ADGRB3: variants seen among roughly 807,000 people sequenced by gnomAD.
ADGRB3 encodes adhesion G protein-coupled receptor B3.
A neutral mutation model predicts 193.4 loss-of-function variants in ADGRB3; 37 were observed. That is an observed-to-expected ratio of 0.19 (90% CI 0.15 to 0.25). The LOEUF is 0.25. Ranked by LOEUF, ADGRB3 falls within the 10% of genes least tolerant of loss-of-function variation. ADGRB3 has a pLI of 1.00. For missense variants in ADGRB3, 1,637 were observed against 1,852.9 expected (o/e 0.88, Z 2.14); for synonymous variants, 690 against 644.2 (o/e 1.07, Z -1.08).
At chr6:69,254,385 C>T (rs947011355) in intron 20 of ADGRB3, among the ~76,000 whole-genome samples, 6 of 152,058 alleles carry the variant, frequency 3.9e-5, no homozygotes, top group Non-Finnish European at 8.8e-5. Flanking sequence ...ACACAGTAAT[C>T]GCATGAGCAT....
chr6:69,180,777 C>T (rs989347547), intron 17 of ADGRB3, among the ~76,000 whole-genome samples: 1 of 152,180 alleles, frequency 6.6e-6, no homozygotes, highest in Non-Finnish European at 1.5e-5. Context: ...TGTGGAGGCC[C>T]CTACCCGACT....
At chr6:68,703,604 C>T (rs1319035077) in intron 3 of ADGRB3, among the ~76,000 whole-genome samples, 2 of 151,668 alleles carry the variant, frequency 1.3e-5, no homozygotes, top group Non-Finnish European at 2.9e-5. Flanking sequence ...ATAAAAAGAA[C>T]CCCATTCATT....
At chr6:69,351,383 C>A (rs1369900951) in intron 26 of ADGRB3, among the ~76,000 whole-genome samples, 1 of 152,030 alleles carries the variant, frequency 6.6e-6, no homozygotes, top group South Asian at 2.1e-4. Flanking sequence ...TGAGCCACCA[C>A]GCCCTGCCCC....
chr6:69,152,236 C>T (rs1435019778), intron 17 of ADGRB3, among the ~76,000 whole-genome samples: 1 of 152,148 alleles, frequency 6.6e-6, no homozygotes, highest in Non-Finnish European at 1.5e-5. Context: ...AAAATGTATG[C>T]ATGATTCCAT....
intron 17 of ADGRB3, among the ~76,000 whole-genome samples, chr6:69,202,652 C>T (rs1004285212): frequency 2.4e-4 from 37 of 152,142 alleles, no homozygotes; most frequent in Admixed American, 2.4e-3. Flanking sequence ...CTAAGTTAAT[C>T]TCCCACAGAT....
chr6:68,869,778 C>T (rs939720167), intron 3 of ADGRB3, among the ~76,000 whole-genome samples: 15 of 120,256 alleles, frequency 1.2e-4, no homozygotes, highest in Non-Finnish European at 2.2e-4. Context: ...GGGAGGGGGG[C>T]GGGTGGCGGG....
At chr6:69,218,068 CAAAAA>C (rs556270079) in intron 17 of ADGRB3, among the ~76,000 whole-genome samples, 1 of 81,242 alleles carries the variant, frequency 1.2e-5, no homozygotes, top group African/African-American at 5.0e-5. Context: ...CTCCAGCTGA[CAAAAA>C]AAAAAAAAAA....
At position 69,233,356 on chromosome 6, in the gene ADGRB3, G is replaced by T; in HGVS notation, c.2547G>T (p.Thr849=). ...CKTVLTDASH[T]KCLCDRLSTF... is the part of the protein sequence containing the mutation. ...CTGTGCTTACCGATGCATCCCATAC[G>T]AAATGCTTATGTGATCGTCTCTCTA... The change falls in exon 18 of 32, where the codon ACG becomes ACT. Residue 849 remains threonine (T), a synonymous_variant. Transcript: ENST00000370598. The T allele has an allele frequency of 6.2e-7, 1 of 1,614,018 alleles. No homozygotes were observed. Among genetic ancestry groups the T allele is most frequent in the Non-Finnish European group, 8.5e-7 (1 of 1,179,996 alleles).
chr6:68,839,093 C>G (rs994939329), intron 3 of ADGRB3, among the ~76,000 whole-genome samples: 4 of 132,404 alleles, frequency 3.0e-5, no homozygotes, highest in Non-Finnish European at 4.6e-5. Flanking sequence ...CACACACACA[C>G]ACACACACAC....
chr6:68,874,763 A>G (rs1765544460), intron 3 of ADGRB3, among the ~76,000 whole-genome samples: 1 of 152,316 alleles, frequency 6.6e-6, no homozygotes, highest in African/African-American at 2.4e-5. Flanking sequence ...ACTGTGTATC[A>G]AACTCTTCGC....
chr6:69,386,114 A>T (rs2127242725), intron 31 of ADGRB3, among the ~76,000 whole-genome samples: 1 of 152,256 alleles, frequency 6.6e-6, no homozygotes, highest in Non-Finnish European at 1.5e-5. Flanking sequence ...ATGAATTATG[A>T]ATTAATGTAT....
At position 68,967,065 on chromosome 6, in the gene ADGRB3, A is replaced by T. The variant is rs138189140; in HGVS notation, c.1526-7698A>T. Among the ~76,000 whole-genome samples, 26 of 152,324 alleles carry T rather than the reference A, an allele frequency of 1.7e-4. No individual in the cohort carries two copies. In the East Asian group the frequency reaches 5.0e-3, roughly 29 times the overall value. On this transcript the variant is annotated intron_variant, in intron 8 of 31. Coordinates refer to ENST00000370598, the MANE Select transcript of ADGRB3 (RefSeq NM_001704.3). ...GTACCGTTTGACATTACTACTAAAA[A>T]GCTGAAAACCCTGGACCAGTTTGCA...
intron 3 of ADGRB3, among the ~76,000 whole-genome samples, chr6:68,689,041 C>T (rs985533709): frequency 2.0e-5 from 3 of 151,974 alleles, no homozygotes; most frequent in Non-Finnish European, 2.9e-5. Flanking sequence ...TAGAGGGTGA[C>T]TTAACTCTGA....
chr6:68,637,814 T>C (rs1767991738), intron 2 of ADGRB3, among the ~76,000 whole-genome samples: 2 of 152,136 alleles, frequency 1.3e-5, no homozygotes, highest in Admixed American at 6.5e-5. Context: ...TTTTTTTTTT[T>C]TTAACTGATA....
At chr6:69,224,263 A>C (rs1436007020) in intron 17 of ADGRB3, among the ~76,000 whole-genome samples, 1 of 152,112 alleles carries the variant, frequency 6.6e-6, no homozygotes. Context: ...CTATGTTATA[A>C]ATTTTACAAT....
At chr6:69,193,685 T>G in intron 17 of ADGRB3, among the ~76,000 whole-genome samples, 1 of 152,066 alleles carries the variant, frequency 6.6e-6, no homozygotes, top group East Asian at 1.9e-4. Context: ...GTATGACCTT[T>G]GGAAAACAAC....
intron 3 of ADGRB3, among the ~76,000 whole-genome samples, chr6:68,913,434 G>A (rs1004538442): frequency 6.6e-6 from 1 of 152,196 alleles, no homozygotes; most frequent in African/African-American, 2.4e-5. Flanking sequence ...GGCAGACAGG[G>A]TCTGGAGTGG....
At chr6:69,332,393 A>G in intron 23 of ADGRB3, 1 of 985,452 alleles carries the variant, frequency 1.0e-6, no homozygotes, top group Non-Finnish European at 1.2e-6. Flanking sequence ...TGCTTAGAAA[A>G]GCATGGTACA....
At chr6:69,370,205 T>C (rs1472548417) in intron 29 of ADGRB3, among the ~76,000 whole-genome samples, 1 of 152,154 alleles carries the variant, frequency 6.6e-6, no homozygotes, top group Non-Finnish European at 1.5e-5. Context: ...AAATAAATAA[T>C]ATTTTATCCG....
Sources: allele counts gnomAD v4.1 joint callset (sites outside exome capture counted in the v4.1 genomes callset), GRCh38; gene constraint gnomAD v4.1.1; transcripts MANE v1.5; gene names NCBI Gene and HGNC (gene_info 2026-07-23, HGNC 2026-07-21).